RFTN1: variants seen among roughly 807,000 people sequenced by gnomAD.
RFTN1 encodes the protein raftlin, lipid raft linker 1, also known as raftlin.
In RFTN1, 26 loss-of-function variants were observed where a neutral mutation model predicts 46.5. The observed-to-expected ratio is 0.56, with a 90% CI of 0.41 to 0.78. The LOEUF is 0.78. RFTN1 is among the 30% of genes least tolerant of loss of function. The pLI is 0.00. For missense variants in RFTN1, 693 were observed against 718.7 expected, an observed-to-expected ratio of 0.96 and a Z score of 0.41; for synonymous variants, 261 against 284.2, an observed-to-expected ratio of 0.92 and a Z score of 0.82.
In RFTN1 at chr3:16,403,230, T is replaced by C. The variant is rs140021694; in HGVS notation, c.441+6145A>G. Among the ~76,000 whole-genome samples, 4 of 152,210 alleles carry C rather than the reference T, an allele frequency of 2.6e-5. No individual in the cohort carries two copies. The East Asian group carries it at 5.8e-4, about 22-fold the overall frequency. ...CCTCTGTCCAGAAAGGGACAAGCTA[T>C]ACAGGAGAGGTAGCATGGCCAAGTG... On this transcript the variant is annotated intron_variant, in intron 4 of 9. Coordinates refer to ENST00000334133, the MANE Select transcript of RFTN1 (RefSeq NM_015150.2).
rs1575068315 is a variant in RFTN1 at position 16,344,162 on chromosome 3, T to C, written c.1146+13770A>G. 1.3e-5 allele frequency among the ~76,000 whole-genome samples: 2 copies of C among 152,358 alleles called. No individual in the cohort carries two copies. Among genetic ancestry groups the C allele is most frequent in the African/African-American group, 2.4e-5 (1 of 41,596 alleles). ...TGCTTCATTCTATATTATTGACTTT[T>C]TGGAGCTTAAATACAATTTGTTGAT... On this transcript the variant is annotated intron_variant, in intron 7 of 9. Transcript: ENST00000334133. This position sits in a 1 kb window ranked among gnomAD's most constrained non-coding sequence, Gnocchi z 4.4.
chr3:16,393,657 TTTTTTAA>T (rs1421103955), intron 4 of RFTN1, among the ~76,000 whole-genome samples: 1 of 136,456 alleles, frequency 7.3e-6, no homozygotes, highest in African/African-American at 3.5e-5. Context: ...TGGACTTTTT[TTTTTTAA>T]TTTTTTTTTT....
At position 16,402,430 on chromosome 3, in the gene RFTN1, C is replaced by A. The variant is rs1004466678; in HGVS notation, c.441+6945G>T. On this transcript the variant is annotated intron_variant, in intron 4 of 9. Coordinates refer to ENST00000334133, the MANE Select transcript of RFTN1 (RefSeq NM_015150.2). This position sits in a 1 kb window ranked among gnomAD's most constrained non-coding sequence, Gnocchi z 4.5. Reference sequence around the variant, plus strand: ...CTGCCTTTACTTCCCCTCAACAACCCCCCTCCCCAGGTTCATCTTTTTTAA... The same window carrying A: ...CTGCCTTTACTTCCCCTCAACAACCACCCTCCCCAGGTTCATCTTTTTTAA... 6.6e-6 allele frequency among the ~76,000 whole-genome samples: 1 copy of A among 152,104 alleles called. No homozygotes were observed. Among genetic ancestry groups the A allele is most frequent in the Admixed American group, 6.5e-5 (1 of 15,276 alleles).
In RFTN1 at chr3:16,499,848, T is replaced by A. The variant is rs1452406998; in HGVS notation, c.-8-5971A>T. Among the ~76,000 whole-genome samples the A allele has an allele frequency of 2.6e-5, 4 of 152,062 alleles. No individual in the cohort carries two copies. The highest frequency in any genetic ancestry group is 9.7e-5 in the African/African-American group (4 of 41,392). ...GTGGCTATAAACATTTGTGTAGAGGTTTTTATATGGACATAAGTTTTCACT... is the reference window on the plus strand; with the variant it reads ...GTGGCTATAAACATTTGTGTAGAGGATTTTATATGGACATAAGTTTTCACT... On this transcript the variant is annotated intron_variant, in intron 1 of 9. Transcript: ENST00000334133. This position sits in a 1 kb window ranked among gnomAD's most constrained non-coding sequence, Gnocchi z 4.9.
In RFTN1 at chr3:16,407,365, T is replaced by TA. The variant is rs1170573366; in HGVS notation, c.441+2009_441+2010insT. Among the ~76,000 whole-genome samples, 1 of 152,048 alleles carries TA rather than the reference T, an allele frequency of 6.6e-6. No homozygotes were observed. Among genetic ancestry groups the TA allele is most frequent in the Non-Finnish European group, 1.5e-5 (1 of 68,008 alleles). ...GCTCGGCTTTTTAAAGAGACTTTTT[T>TA]TTTTTTGGCAGAGATGGAGGTCTCA... On this transcript the variant is annotated intron_variant, in intron 4 of 9. Coordinates refer to ENST00000334133, the MANE Select transcript of RFTN1 (RefSeq NM_015150.2). The surrounding 1 kb of genome is among the most constrained non-coding windows in gnomAD (Gnocchi z 4.0).
chr3:16,456,687 CA>C (rs2075911911), intron 2 of RFTN1, among the ~76,000 whole-genome samples: 1 of 152,214 alleles, frequency 6.6e-6, no homozygotes, highest in Non-Finnish European at 1.5e-5. Context: ...AAAACTAAGA[CA>C]TTTTAAAAAT....
In RFTN1 at chr3:16,449,623, C is replaced by T. The variant is rs939272859; in HGVS notation, c.146-15586G>A. On this transcript the variant is annotated intron_variant, in intron 2 of 9. Transcript: ENST00000334133. This position sits in a 1 kb window ranked among gnomAD's most constrained non-coding sequence, Gnocchi z 5.1. ...CTAACGTGACAGACTGTCATGTCCA[C>T]GAGTTGATCCTTAAGTCTCGGAACC... Among the ~76,000 whole-genome samples, 8 of 152,158 alleles carry T rather than the reference C, an allele frequency of 5.3e-5. No individual in the cohort carries two copies. Among genetic ancestry groups the T allele is most frequent in the Admixed American group, 6.5e-5 (1 of 15,276 alleles).
chr3:16,485,336 C>G (rs2076431397), intron 2 of RFTN1, among the ~76,000 whole-genome samples: 4 of 152,130 alleles, frequency 2.6e-5, no homozygotes, highest in South Asian at 4.1e-4. Flanking sequence ...TACAACAGCA[C>G]AGACTCCATG....
rs2075433491 is a variant in RFTN1 at position 16,433,348 on chromosome 3, T to A, written c.332+503A>T. Among the ~76,000 whole-genome samples, 1 of 152,344 alleles carries A rather than the reference T, an allele frequency of 6.6e-6. No individual in the cohort carries two copies. Among genetic ancestry groups the A allele is most frequent in the East Asian group, 1.9e-4 (1 of 5,188 alleles). On this transcript the variant is annotated intron_variant, in intron 3 of 9. Coordinates refer to ENST00000334133, the MANE Select transcript of RFTN1 (RefSeq NM_015150.2). The surrounding 1 kb of genome is among the most constrained non-coding windows in gnomAD (Gnocchi z 4.4). ...CAAGACCAAACCAATTATAGCATTT[T>A]ATTTAGGTGGTGTTTATTTTTTGTA...
At chr3:16,477,664 C>T (rs2076304493) in intron 2 of RFTN1, among the ~76,000 whole-genome samples, 1 of 152,206 alleles carries the variant, frequency 6.6e-6, no homozygotes, top group Non-Finnish European at 1.5e-5. Flanking sequence ...AACAATTTTC[C>T]TATTCAAGGG....
rs949525858 is a variant in RFTN1, at chr3:16,481,931, C to T, written c.145+11794G>A. Among the ~76,000 whole-genome samples, 24 of 152,188 alleles carry T rather than the reference C, an allele frequency of 1.6e-4. No homozygotes were observed. Among genetic ancestry groups the T allele is most frequent in the Admixed American group, 1.4e-3 (21 of 15,280 alleles). On this transcript the variant is annotated intron_variant, in intron 2 of 9. Coordinates refer to ENST00000334133, the MANE Select transcript of RFTN1 (RefSeq NM_015150.2). This position sits in a 1 kb window ranked among gnomAD's most constrained non-coding sequence, Gnocchi z 5.1. ...TTACAAAACTGGGACTAAGTGGCAG[C>T]CATCCACACATACTCAAGCTCAGAC...
chr3:16,406,416 A>AT (rs2074857434), intron 4 of RFTN1, among the ~76,000 whole-genome samples: 1 of 152,144 alleles, frequency 6.6e-6, no homozygotes, highest in Non-Finnish European at 1.5e-5. Context: ...GGCAACCTCA[A>AT]CACACCTGGC....
rs1206296852 is a variant in RFTN1 at position 16,446,764 on chromosome 3, G to A, written c.146-12727C>T. Among the ~76,000 whole-genome samples, 1 of 149,170 alleles carries A rather than the reference G, an allele frequency of 6.7e-6. No individual in the cohort carries two copies. The highest frequency in any genetic ancestry group is 1.5e-5 in the Non-Finnish European group (1 of 66,950). On this transcript the variant is annotated intron_variant, in intron 2 of 9. Coordinates refer to ENST00000334133, the MANE Select transcript of RFTN1 (RefSeq NM_015150.2). This position sits in a 1 kb window ranked among gnomAD's most constrained non-coding sequence, Gnocchi z 4.5. Reference sequence around the variant, plus strand: ...TTCCCAAAAAGTGCGGTACCCGAGGGTATGAGCACACTTGAGTTTGGCATC... The same window carrying A: ...TTCCCAAAAAGTGCGGTACCCGAGGATATGAGCACACTTGAGTTTGGCATC...
At position 16,334,531 on chromosome 3, in the gene RFTN1, A is replaced by G. The variant is rs2070664485; in HGVS notation, c.1147-7655T>C. 6.6e-6 allele frequency among the ~76,000 whole-genome samples: 1 copy of G among 152,192 alleles called. No individual in the cohort carries two copies. The highest frequency in any genetic ancestry group is 2.4e-5 in the African/African-American group (1 of 41,454). On this transcript the variant is annotated intron_variant, in intron 7 of 9. Transcript: ENST00000334133. The surrounding 1 kb of genome is among the most constrained non-coding windows in gnomAD (Gnocchi z 4.3). Reference sequence around the variant, plus strand: ...CATCAGTGCTGGATTTGTATTTAACATTATGTTTCACCCAGACAACAGCTC... The same window carrying G: ...CATCAGTGCTGGATTTGTATTTAACGTTATGTTTCACCCAGACAACAGCTC...
chr3:16,481,533 T>C lies in RFTN1; in HGVS notation c.145+12192A>G, dbSNP rs1263627194. The stretch of plus-strand genomic sequence containing the variant: ...AACAAAAACCAACTCTTAGCAATTA[T>C]AGAAACCGGAAACAAAAATGAAACA... On this transcript the variant is annotated intron_variant, in intron 2 of 9. Transcript: ENST00000334133. This position sits in a 1 kb window ranked among gnomAD's most constrained non-coding sequence, Gnocchi z 5.1. 3.3e-5 allele frequency among the ~76,000 whole-genome samples: 5 copies of C among 152,176 alleles called. No homozygotes were observed. The highest frequency in any genetic ancestry group is 6.5e-5 in the Admixed American group (1 of 15,284).
rs116723160 is a variant in RFTN1, at chr3:16,450,515, G to A, written c.146-16478C>T. Among the ~76,000 whole-genome samples, 375 of 152,284 alleles carry A rather than the reference G, an allele frequency of 2.5e-3. No homozygotes were observed. The highest frequency in any genetic ancestry group is 4.5e-3 in the Non-Finnish European group (308 of 68,036). On this transcript the variant is annotated intron_variant, in intron 2 of 9. Coordinates refer to ENST00000334133, the MANE Select transcript of RFTN1 (RefSeq NM_015150.2). The surrounding 1 kb of genome is among the most constrained non-coding windows in gnomAD (Gnocchi z 4.6). ...TGAAGTCCACCAGCATCCTGTTCAG[G>A]TTAACATGTCTCCCATGTCTATGCT...
chr3:16,507,697 A>G lies in RFTN1; in HGVS notation c.-9+5745T>C, dbSNP rs539196455. ...AATGCACATAAACACACACATACAC[A>G]CACATACATACACATACACACATAC... is the stretch of plus-strand genomic sequence containing the variant. On this transcript the variant is annotated intron_variant, in intron 1 of 9. Transcript: ENST00000334133. The surrounding 1 kb of genome is among the most constrained non-coding windows in gnomAD (Gnocchi z 7.1). Among the ~76,000 whole-genome samples, 1 of 151,758 alleles carries G rather than the reference A, an allele frequency of 6.6e-6. No homozygotes were observed. Among genetic ancestry groups the G allele is most frequent in the African/African-American group, 2.4e-5 (1 of 41,382 alleles).
In RFTN1 at chr3:16,342,759, G is replaced by A. The variant is rs1227610988; in HGVS notation, c.1146+15173C>T. 6.6e-6 allele frequency among the ~76,000 whole-genome samples: 1 copy of A among 152,236 alleles called. No homozygotes were observed. The highest frequency in any genetic ancestry group is 1.9e-4 in the East Asian group (1 of 5,200). On this transcript the variant is annotated intron_variant, in intron 7 of 9. Coordinates refer to ENST00000334133, the MANE Select transcript of RFTN1 (RefSeq NM_015150.2). This position sits in a 1 kb window ranked among gnomAD's most constrained non-coding sequence, Gnocchi z 4.0. The stretch of plus-strand genomic sequence containing the variant: ...GTTTAAAGAGGCCACTGATTTAAAA[G>A]CTCTGTGTCAACATGCATGCCCAGC...
Position 16,429,669 on chromosome 3 carries a change from C to G in RFTN1, c.332+4182G>C, listed in dbSNP as rs548549959. ...CACAATACTCTGAAAAGAGTACTCA[C>G]TCAGCAAGTGTTAGTGAATGAGTGA... is the stretch of plus-strand genomic sequence containing the variant. On this transcript the variant is annotated intron_variant, in intron 3 of 9. Coordinates refer to ENST00000334133, the MANE Select transcript of RFTN1 (RefSeq NM_015150.2). This position sits in a 1 kb window ranked among gnomAD's most constrained non-coding sequence, Gnocchi z 6.4. 5.9e-5 allele frequency among the ~76,000 whole-genome samples: 9 copies of G among 152,364 alleles called. No homozygotes were observed. The highest frequency in any genetic ancestry group is 1.3e-4 in the Non-Finnish European group (9 of 68,034).
Sources: gnomAD v4.1 joint callset for allele counts (sites outside exome capture counted in the v4.1 genomes callset) on GRCh38, gnomAD v4.1.1 for gene constraint, Gnocchi (gnomAD v3.1) non-coding constraint, MANE v1.5 for transcripts, NCBI Gene and HGNC (gene_info 2026-07-23, HGNC 2026-07-21) for gene names.